Variants in NRXN3 observed in about 807,000 individuals in gnomAD.
NRXN3 encodes neurexin III.
In NRXN3, 32 loss-of-function variants were observed where a neutral mutation model predicts 137.6. The ratio of observed to expected loss-of-function variants is 0.23; its 90% confidence interval spans 0.18 to 0.31. The LOEUF (loss-of-function observed/expected upper bound fraction) is 0.31, where lower values mean the gene tolerates loss of function less well. Ranked by LOEUF, NRXN3 falls within the 10% of genes least tolerant of loss-of-function variation. The pLI is 1.00. For missense variants in NRXN3, 1,574 were observed against 2,062.5 expected, an observed-to-expected ratio of 0.76 and a Z score of 4.59; for synonymous variants, 798 against 784.5, an observed-to-expected ratio of 1.02 and a Z score of -0.29.
intron 8 of NRXN3, among the ~76,000 whole-genome samples, chr14:78,743,626 A>G (rs1038541747): frequency 6.6e-6 from 1 of 152,200 alleles, no homozygotes. Flanking sequence ...TCAAAACTAG[A>G]TATCTGGGAG....
chr14:78,645,312 T>C lies in NRXN3; in HGVS notation c.950T>C (p.Leu317Ser). 2 of 1,598,888 alleles carry C rather than the reference T, an allele frequency of 1.3e-6. No individual in the cohort carries two copies. Among genetic ancestry groups the C allele is most frequent in the Non-Finnish European group, 1.7e-6 (2 of 1,179,746 alleles). ...GCTCTGAAGGATGGTGCGGTCTCCT[T>C]GGTCATTAACCTGGGGTCCGGGGCC... ...NLALKDGAVS[L>S]VINLGSGAFE... The change falls in exon 5 of 21, where the codon TTG (leucine) becomes TCG (serine). Residue 317 changes from leucine (L) to serine (S), a missense_variant. Coordinates refer to ENST00000335750, the MANE Select transcript of NRXN3 (RefSeq NM_001330195.2).
chr14:78,562,704 C>A (rs1310374676), intron 4 of NRXN3, among the ~76,000 whole-genome samples: 1 of 152,114 alleles, frequency 6.6e-6, no homozygotes, highest in Non-Finnish European at 1.5e-5. Flanking sequence ...AAGATTAAAC[C>A]ACTCAATTGA....
At position 79,284,343 on chromosome 14, in the gene NRXN3, CATATATATATATAT is replaced by C. The variant is rs60596302; in HGVS notation, c.3263-182849_3263-182836del. On this transcript the variant is annotated intron_variant, in intron 15 of 20. Coordinates refer to ENST00000335750, the MANE Select transcript of NRXN3 (RefSeq NM_001330195.2). ...GGAAACCCCGTCTCTACTAAAAATA[CATATATATATATAT>C]ATATATATATATATATATATATATA... 4.3e-3 allele frequency among the ~76,000 whole-genome samples: 282 copies of C among 65,096 alleles called. 6 individuals are homozygous for C. The highest frequency in any genetic ancestry group is 8.2e-3 in the South Asian group (13 of 1,578). The allele number at this position is 65,096 out of a possible 152,430, so 42.7% of individuals were successfully genotyped here.
chr14:78,180,143 T>A (rs769787654), intron 1 of NRXN3, among the ~76,000 whole-genome samples: 2 of 152,162 alleles, frequency 1.3e-5, no homozygotes, highest in Non-Finnish European at 2.9e-5. Flanking sequence ...CCACTGCACC[T>A]GGCTTGGTTT....
intron 15 of NRXN3, among the ~76,000 whole-genome samples, chr14:79,135,646 G>A (rs1001924381): frequency 2.0e-5 from 3 of 152,194 alleles, no homozygotes; most frequent in African/African-American, 7.2e-5. Context: ...GAGGACAGTT[G>A]TTGACTCTCA....
At chr14:78,903,863 G>T (rs2099205964) in intron 10 of NRXN3, among the ~76,000 whole-genome samples, 1 of 152,044 alleles carries the variant, frequency 6.6e-6, no homozygotes, top group Non-Finnish European at 1.5e-5. Flanking sequence ...TTCTTGCTTT[G>T]TTAGTAGTCA....
intron 15 of NRXN3, among the ~76,000 whole-genome samples, chr14:79,067,815 T>C (rs1305461543): frequency 6.6e-6 from 1 of 152,054 alleles, no homozygotes; most frequent in East Asian, 1.9e-4. Flanking sequence ...GTTAGGAATT[T>C]AACACATGAA....
At chr14:79,124,895 A>G (rs977299358) in intron 15 of NRXN3, among the ~76,000 whole-genome samples, 1 of 152,060 alleles carries the variant, frequency 6.6e-6, no homozygotes, top group Non-Finnish European at 1.5e-5. Context: ...TTTTTCTCAC[A>G]CAGAGTACAT....
At chr14:78,788,933 C>T (rs2098797334) in intron 8 of NRXN3, among the ~76,000 whole-genome samples, 1 of 152,100 alleles carries the variant, frequency 6.6e-6, no homozygotes, top group African/African-American at 2.4e-5. Context: ...GACAGCACAC[C>T]AAGCAATGAT....
chr14:79,385,132 C>T (rs2094570881), intron 15 of NRXN3, among the ~76,000 whole-genome samples: 1 of 150,580 alleles, frequency 6.6e-6, no homozygotes, highest in Non-Finnish European at 1.5e-5. Context: ...CATATGTATA[C>T]ATGTGCCATG....
intron 15 of NRXN3, among the ~76,000 whole-genome samples, chr14:79,356,563 A>G (rs940742034): frequency 6.6e-6 from 1 of 152,136 alleles, no homozygotes; most frequent in Admixed American, 6.5e-5. Context: ...AAACACTATT[A>G]ATAGGAACAA....
At chr14:79,563,073 C>T (rs112287718) in intron 16 of NRXN3, among the ~76,000 whole-genome samples, 4 of 152,292 alleles carry the variant, frequency 2.6e-5, no homozygotes, top group African/African-American at 9.6e-5. Context: ...TAATTAGGGA[C>T]TTCAGCAGTC....
chr14:78,357,341 A>G (rs1400688751), intron 4 of NRXN3, among the ~76,000 whole-genome samples: 1 of 152,162 alleles, frequency 6.6e-6, no homozygotes, highest in Non-Finnish European at 1.5e-5. Flanking sequence ...AGAACAGCGC[A>G]GGAAAGGCCC....
chr14:79,649,833 T>G (rs2098467774), intron 16 of NRXN3, among the ~76,000 whole-genome samples: 1 of 152,202 alleles, frequency 6.6e-6, no homozygotes, highest in Admixed American at 6.5e-5. Context: ...TCAGTCAGCC[T>G]TGGCTGCTAT....
At chr14:78,523,563 G>A (rs1376124871) in intron 4 of NRXN3, among the ~76,000 whole-genome samples, 1 of 150,084 alleles carries the variant, frequency 6.7e-6, no homozygotes, top group Admixed American at 6.7e-5. Context: ...ACTTTGGGAG[G>A]CCAAGGCGGG....
chr14:78,191,694 G>C (rs2060748136), intron 1 of NRXN3, among the ~76,000 whole-genome samples: 1 of 152,162 alleles, frequency 6.6e-6, no homozygotes, highest in Non-Finnish European at 1.5e-5. Flanking sequence ...GGGAATGTGG[G>C]AGTGGTGCCA....
At chr14:79,255,181 A>G (rs970495173) in intron 15 of NRXN3, among the ~76,000 whole-genome samples, 14 of 152,340 alleles carry the variant, frequency 9.2e-5, no homozygotes, top group African/African-American at 2.9e-4. Context: ...CACAGAAACA[A>G]TCACAAACTC....
intron 14 of NRXN3, among the ~76,000 whole-genome samples, chr14:78,981,699 G>A (rs2099489874): frequency 6.6e-6 from 1 of 152,088 alleles, no homozygotes; most frequent in African/African-American, 2.4e-5. Context: ...ATAAGCACTA[G>A]GTAAGCTGTG....
chr14:79,655,164 G>GTTAT (rs1229280451), intron 16 of NRXN3, among the ~76,000 whole-genome samples: 2 of 152,200 alleles, frequency 1.3e-5, no homozygotes, highest in African/African-American at 2.4e-5. Context: ...ATCAACTAAT[G>GTTAT]TTATTTTGCC....
Sources: allele counts gnomAD v4.1 joint callset (sites outside exome capture counted in the v4.1 genomes callset), GRCh38; gene constraint gnomAD v4.1.1; transcripts MANE v1.5; gene names NCBI Gene and HGNC (gene_info 2026-07-23, HGNC 2026-07-21).